IL16: variants seen among roughly 807,000 people sequenced by gnomAD.
IL16 encodes the protein pro-interleukin-16.
In IL16, 67 loss-of-function variants were observed where a neutral mutation model predicts 110.1. The ratio of observed to expected loss-of-function variants is 0.61; its 90% CI spans 0.50 to 0.75. The LOEUF (loss-of-function observed/expected upper bound fraction) is 0.75. Among genes scored for constraint, IL16 ranks in the 30% least tolerant of loss-of-function variants. IL16 has a pLI of 0.00. For synonymous variants in IL16, 689 were observed against 662.9 expected (o/e 1.04, Z -0.61); for missense variants, 1,545 against 1,655.0 (o/e 0.93, Z 1.15).
chr15:81,204,680 A>G (rs995774196), intron 1 of IL16, among the ~76,000 whole-genome samples: 2 of 152,092 alleles, frequency 1.3e-5, no homozygotes, highest in Non-Finnish European at 2.9e-5. Flanking sequence ...TGGCACATGT[A>G]TACGTATGTA....
At chr15:81,195,693 C>T (rs565761594), upstream of IL16, among the ~76,000 whole-genome samples, 6 of 152,274 alleles carry the variant, frequency 3.9e-5, no homozygotes, top group African/African-American at 1.4e-4. Context: ...CCCAGGAAGC[C>T]CTGAAACATT....
chr15:81,256,143 C>T (rs1274541281), intron 2 of IL16, among the ~76,000 whole-genome samples: 1 of 152,136 alleles, frequency 6.6e-6, no homozygotes, highest in African/African-American at 2.4e-5. Context: ...GTGCCTGGTA[C>T]AGAGTAAGTG....
intron 1 of IL16, 124 bp downstream of exon 1, chr15:81,197,276 T>A (rs867135369): frequency 5.6e-6 from 3 of 538,420 alleles, no homozygotes; most frequent in Non-Finnish European, 8.7e-6. Flanking sequence ...TATTTGGAAG[T>A]GGTGCTGGGG....
Position 81,232,056 on chromosome 15 carries a change from T to TTC in IL16, c.312+6346_312+6347insCT, listed in dbSNP as rs377014645. ...CATTTGTTCTTGTTTTTTTTTTTTT[T>TTC]TTTTTTTTTTCTTTTTTTTTTCACA... On this transcript the variant is annotated intron_variant, in intron 2 of 18. Coordinates refer to ENST00000683961, the MANE Select transcript of IL16 (RefSeq NM_172217.5). 2.9e-3 allele frequency among the ~76,000 whole-genome samples: 417 copies of TTC among 141,724 alleles called. 1 individual carries two copies. The highest frequency in any genetic ancestry group is 7.5e-3 in the Middle Eastern group (2 of 266). The allele number at this position is 141,724 out of a possible 152,430, so 93.0% of individuals were successfully genotyped here.
upstream of IL16, among the ~76,000 whole-genome samples, chr15:81,195,778 C>G (rs994774551): frequency 6.6e-6 from 1 of 152,166 alleles, no homozygotes; most frequent in African/African-American, 2.4e-5. Context: ...AGCATGTACA[C>G]AGGGCTCACA....
At position 81,313,469 on chromosome 15, in the gene IL16, AGGT is replaced by A. The variant is rs1285512020; in HGVS notation, c.*4673_*4675del. Reference sequence around the variant, plus strand: ...GAGGTGCTGGGGACGAGCGCCAGGCAGGTGAGCAGAGCCCAGCCCAGTGGAAAT... The same window carrying A: ...GAGGTGCTGGGGACGAGCGCCAGGCAGAGCAGAGCCCAGCCCAGTGGAAAT... On this transcript the variant is annotated 3_prime_UTR_variant, in exon 19 of 19. Coordinates refer to ENST00000683961, the MANE Select transcript of IL16 (RefSeq NM_172217.5). 5 of 1,416,042 alleles carry A rather than the reference AGGT, an allele frequency of 3.5e-6. No homozygotes were observed. The East Asian group carries it at 1.3e-4, about 38-fold the overall frequency. The allele number at this position is 1,416,042 out of a possible 1,614,324, so 87.7% of individuals were successfully genotyped here.
At chr15:81,269,300 C>A (rs11637813) in intron 4 of IL16, among the ~76,000 whole-genome samples, 26,760 of 152,186 alleles carry the variant, frequency 0.18, 2,575 homozygotes, top group Middle Eastern at 0.25. Context: ...CCTTAGTGAG[C>A]CTTTTGGCTG....
At chr15:81,290,218 AG>A (rs1257474258) in intron 10 of IL16, among the ~76,000 whole-genome samples, 1 of 152,194 alleles carries the variant, frequency 6.6e-6, no homozygotes, top group Non-Finnish European at 1.5e-5. Context: ...TGGAGAGTTG[AG>A]GGGGCCTCCT....
chr15:81,239,270 T>C (rs2142094145), intron 2 of IL16, among the ~76,000 whole-genome samples: 1 of 152,312 alleles, frequency 6.6e-6, no homozygotes, highest in Non-Finnish European at 1.5e-5. Context: ...CCACTCTGTT[T>C]AGGATTAGCA....
intron 10 of IL16, among the ~76,000 whole-genome samples, chr15:81,288,831 G>GTGTA (rs1258467461): frequency 6.8e-6 from 1 of 147,440 alleles, no homozygotes; most frequent in South Asian, 2.4e-4. Context: ...GTATGTGTAT[G>GTGTA]TGTGTGTGTG....
At chr15:81,235,310 C>T (rs749653699) in intron 2 of IL16, among the ~76,000 whole-genome samples, 7 of 152,130 alleles carry the variant, frequency 4.6e-5, no homozygotes, top group African/African-American at 7.2e-5. Context: ...AGCATCTACT[C>T]GGCTTCTGGT....
intron 6 of IL16, 45 bp from the exon 7 acceptor site, chr15:81,278,772 G>A (rs2142287163): frequency 7.6e-7 from 1 of 1,307,718 alleles, no homozygotes. Flanking sequence ...AATGCCCTTT[G>A]ATTGGGCAAC....
intron 6 of IL16, among the ~76,000 whole-genome samples, chr15:81,278,208 A>G (rs1308246323): frequency 1.3e-5 from 2 of 152,104 alleles, no homozygotes; most frequent in Admixed American, 6.6e-5. Context: ...GGTCCTGGGG[A>G]TATATCATCT....
At chr15:81,266,127 T>TCCTAA (rs1308372201) in intron 4 of IL16, among the ~76,000 whole-genome samples, 1 of 152,246 alleles carries the variant, frequency 6.6e-6, no homozygotes. Flanking sequence ...TTATTTCATC[T>TCCTAA]GCACATACTC....
rs372666112 is a variant in IL16 at position 81,300,145 on chromosome 15, C to T, written c.2819C>T (p.Pro940Leu). The T allele has an allele frequency of 7.4e-5, 120 of 1,611,310 alleles. No homozygotes were observed. The highest frequency in any genetic ancestry group is 4.7e-4 in the Admixed American group (28 of 59,856). Residue 940 changes from proline (P) to leucine (L), a missense_variant, in exon 14 of 19, where the codon CCG becomes CTG. By Grantham distance (98) the Pro-to-Leu change is moderately conservative (BLOSUM62 -3). Transcript: ENST00000683961. ...NQKTLPPGPD[P>L]LLRLLSTQAE... ...AAAACTCTCCCCCCTGGCCCGGACC[C>T]GCTCCTAAGGCTGCTGTCAACACAG...
intron 16 of IL16, chr15:81,305,635 C>A: frequency 2.4e-6 from 1 of 411,120 alleles, no homozygotes; most frequent in Non-Finnish European, 4.3e-6. Context: ...ATATGGAATC[C>A]CAACTAGAAT....
rs573443921 is a variant in IL16, at chr15:81,294,619, A to G, written c.1902+1582A>G. On this transcript the variant is annotated intron_variant, in intron 12 of 18. Coordinates refer to ENST00000683961, the MANE Select transcript of IL16 (RefSeq NM_172217.5). The stretch of plus-strand genomic sequence containing the variant: ...GGGCTCCCTCCTGTACCTGCCCCCA[A>G]CAGCACCGTCTCCTGGAGACAAGGC... Among the ~76,000 whole-genome samples, 16 of 152,154 alleles carry G rather than the reference A, an allele frequency of 1.1e-4. No homozygotes were observed. The South Asian group carries it at 1.5e-3, about 14-fold the overall frequency.
chr15:81,241,059 T>C (rs1897321686), intron 2 of IL16, among the ~76,000 whole-genome samples: 2 of 152,124 alleles, frequency 1.3e-5, no homozygotes, highest in South Asian at 2.1e-4. Flanking sequence ...AAAGTGTCTC[T>C]TTCCCCACAG....
chr15:81,297,557 T>A (rs116748683), intron 13 of IL16, among the ~76,000 whole-genome samples: 22 of 152,340 alleles, frequency 1.4e-4, no homozygotes, highest in African/African-American at 5.3e-4. Context: ...CTGACAATGC[T>A]AAGACATGAC....
Sources: gnomAD v4.1 joint callset for allele counts (sites outside exome capture counted in the v4.1 genomes callset) on GRCh38, gnomAD v4.1.1 for gene constraint, MANE v1.5 for transcripts, NCBI Gene and HGNC (gene_info 2026-07-23, HGNC 2026-07-21) for gene names.